NHSL1: variants seen among roughly 807,000 people sequenced by gnomAD.
NHSL1 encodes NHS-like protein 1.
In NHSL1, 48 loss-of-function variants were observed where a neutral mutation model predicts 95.0. The ratio of observed to expected loss-of-function variants is 0.51; its 90% confidence interval spans 0.40 to 0.64. The LOEUF (loss-of-function observed/expected upper bound fraction) is 0.64, where lower values mean the gene tolerates loss of function less well. Among genes scored for constraint, NHSL1 ranks in the 30% least tolerant of loss-of-function variants. The pLI, the probability that NHSL1 is intolerant of heterozygous loss-of-function variation, is 0.00. For synonymous variants in NHSL1, 783 were observed against 833.9 expected (o/e 0.94, Z 1.05); for missense variants, 1,971 against 2,077.7 (o/e 0.95, Z 1.00).
chr6:138,454,162 T>A (rs1777423548), intron 3 of NHSL1, among the ~76,000 whole-genome samples: 2 of 152,014 alleles, frequency 1.3e-5, no homozygotes, highest in Non-Finnish European at 2.9e-5. Flanking sequence ...GAATTTTGTG[T>A]TCCTAATTAC....
intron 1 of NHSL1, among the ~76,000 whole-genome samples, chr6:138,520,921 T>C (rs1781653853): frequency 6.6e-6 from 1 of 152,130 alleles, no homozygotes; most frequent in African/African-American, 2.4e-5. Flanking sequence ...GGTAGATCAG[T>C]GTGAAAGTTA....
At chr6:138,546,427 C>CAAAAAAAAAAAA (rs1177720465), upstream of NHSL1, among the ~76,000 whole-genome samples, 3 of 50,948 alleles carry the variant, frequency 5.9e-5, no homozygotes, top group African/African-American at 1.3e-4. Flanking sequence ...CCCATCTCTA[C>CAAAAAAAAAAAA]AAAAAAAAAA....
At chr6:138,546,427 C>CAAAAAAAAAAAAA (rs1177720465), upstream of NHSL1, among the ~76,000 whole-genome samples, 19 of 50,918 alleles carry the variant, frequency 3.7e-4, 2 homozygotes, top group African/African-American at 1.1e-3. Flanking sequence ...CCCATCTCTA[C>CAAAAAAAAAAAAA]AAAAAAAAAA....
intron 1 of NHSL1, among the ~76,000 whole-genome samples, chr6:138,684,571 G>A (rs1383843542): frequency 2.0e-5 from 3 of 152,144 alleles, no homozygotes; most frequent in Non-Finnish European, 4.4e-5. Flanking sequence ...CTTGAACCCG[G>A]GAGGCAGAGG....
At chr6:138,691,222 C>G (rs571352313) in intron 1 of NHSL1, among the ~76,000 whole-genome samples, 15 of 152,130 alleles carry the variant, frequency 9.9e-5, no homozygotes, top group Non-Finnish European at 1.8e-4. Context: ...GATTCCTCCC[C>G]ACTGATTTTT....
upstream of NHSL1, among the ~76,000 whole-genome samples, chr6:138,503,849 T>C (rs1780817102): frequency 6.6e-6 from 1 of 152,166 alleles, no homozygotes; most frequent in South Asian, 2.1e-4. Flanking sequence ...AAACTGTTTC[T>C]CAGGAACTAT....
chr6:138,592,024 A>G (rs1219547788), intron 1 of NHSL1, among the ~76,000 whole-genome samples: 1 of 152,186 alleles, frequency 6.6e-6, no homozygotes, highest in African/African-American at 2.4e-5. Context: ...TCCCATTTGA[A>G]AATGTTTTTT....
At chr6:138,687,396 A>G (rs993046725) in intron 1 of NHSL1, among the ~76,000 whole-genome samples, 2 of 152,124 alleles carry the variant, frequency 1.3e-5, no homozygotes, top group Non-Finnish European at 2.9e-5. Context: ...GGACCAGCCA[A>G]CCCTCTGGTT....
chr6:138,659,576 G>A (rs183986761), intron 1 of NHSL1, among the ~76,000 whole-genome samples: 64 of 152,194 alleles, frequency 4.2e-4, no homozygotes, highest in African/African-American at 1.5e-3. Flanking sequence ...CTTTGGGGAT[G>A]GAAGAGCACA....
At chr6:138,678,590 A>C (rs1394173946) in intron 1 of NHSL1, among the ~76,000 whole-genome samples, 1 of 152,258 alleles carries the variant, frequency 6.6e-6, no homozygotes, top group African/African-American at 2.4e-5. Context: ...AAAATTATGC[A>C]GATGAAGTAT....
intron 1 of NHSL1, among the ~76,000 whole-genome samples, chr6:138,628,320 A>AG (rs1378893181): frequency 6.6e-6 from 1 of 152,040 alleles, no homozygotes; most frequent in Non-Finnish European, 1.5e-5. Flanking sequence ...TCAAAAAAAA[A>AG]AAAAGAAAAA....
chr6:138,558,053 T>C (rs1783259367), intron 1 of NHSL1, among the ~76,000 whole-genome samples: 1 of 152,258 alleles, frequency 6.6e-6, no homozygotes, highest in Non-Finnish European at 1.5e-5. Context: ...TCTAGTATTT[T>C]ATACAAGTTA....
Position 138,495,846 on chromosome 6 carries a change from T to C in NHSL1, c.211+373A>G, listed in dbSNP as rs375653748. Among the ~76,000 whole-genome samples, 353 of 152,322 alleles carry C rather than the reference T, an allele frequency of 2.3e-3. 3 individuals are homozygous for C. Among genetic ancestry groups the C allele is most frequent in the South Asian group, 9.5e-3 (46 of 4,832 alleles). On this transcript the variant is annotated intron_variant, in intron 2 of 7. Transcript: ENST00000343505. Reference sequence around the variant, plus strand: ...GGCAGAAGGTGAAAGGCACGTCTTATATGGCGGCAGACAAGAGAGAATTGA... The same window carrying C: ...GGCAGAAGGTGAAAGGCACGTCTTACATGGCGGCAGACAAGAGAGAATTGA...
chr6:138,592,184 T>C (rs1180572949), intron 1 of NHSL1, among the ~76,000 whole-genome samples: 3 of 152,170 alleles, frequency 2.0e-5, no homozygotes, highest in African/African-American at 7.2e-5. Flanking sequence ...CTTTTCAAGA[T>C]TGCACAGGTA....
chr6:138,458,574 A>G (rs1165945967), intron 3 of NHSL1, among the ~76,000 whole-genome samples: 1 of 152,128 alleles, frequency 6.6e-6, no homozygotes, highest in African/African-American at 2.4e-5. Flanking sequence ...CACACCTGTA[A>G]TCCCAGCACT....
chr6:138,611,867 T>C (rs1250533647), intron 1 of NHSL1, among the ~76,000 whole-genome samples: 1 of 152,152 alleles, frequency 6.6e-6, no homozygotes. Flanking sequence ...CCCAGCACTT[T>C]GCGAGGCCAA....
At chr6:138,631,544 C>T (rs895867864) in intron 1 of NHSL1, among the ~76,000 whole-genome samples, 10 of 152,232 alleles carry the variant, frequency 6.6e-5, no homozygotes, top group African/African-American at 1.2e-4. Flanking sequence ...AATAGGGCAA[C>T]GGTCAAAGTC....
At chr6:138,496,075 T>C (rs1040516513) in intron 2 of NHSL1, 144 bp downstream of exon 2, 25 of 895,974 alleles carry the variant, frequency 2.8e-5, no homozygotes, top group Non-Finnish European at 4.0e-5. Context: ...CAGCATGTAT[T>C]AGGTTGTATT....
At chr6:138,427,039 C>T (rs1461414702) in intron 7 of NHSL1, among the ~76,000 whole-genome samples, 1 of 152,210 alleles carries the variant, frequency 6.6e-6, no homozygotes, top group Non-Finnish European at 1.5e-5. Context: ...GCTTATAGCA[C>T]ATGGCCTCAC....
Sources: gnomAD v4.1 joint callset for allele counts (sites outside exome capture counted in the v4.1 genomes callset) on GRCh38, gnomAD v4.1.1 for gene constraint, MANE v1.5 for transcripts, NCBI Gene and HGNC (gene_info 2026-07-23, HGNC 2026-07-21) for gene names.